Variants in IL1RAP observed in about 807,000 individuals in gnomAD.
IL1RAP encodes the protein interleukin 1 receptor accessory protein, also known as interleukin-1 receptor accessory protein.
In IL1RAP, 35 loss-of-function variants were observed where a neutral mutation model predicts 60.7. The observed-to-expected ratio is 0.58, with a 90% CI of 0.44 to 0.76. The LOEUF is 0.76. IL1RAP is among the 30% of genes least tolerant of loss of function. IL1RAP has a pLI of 0.00. For synonymous variants in IL1RAP, 268 were observed against 250.9 expected (o/e 1.07, Z -0.64); for missense variants, 572 against 693.9 (o/e 0.82, Z 1.97).
chr3:190,583,429 A>G (rs981516320), intron 3 of IL1RAP, among the ~76,000 whole-genome samples: 1 of 152,240 alleles, frequency 6.6e-6, no homozygotes, highest in Non-Finnish European at 1.5e-5. Flanking sequence ...GTTTCTTTCT[A>G]TGTAGTTACT....
At chr3:190,604,545 C>T in intron 4 of IL1RAP, 132 bp downstream of exon 4, 1 of 954,458 alleles carries the variant, frequency 1.0e-6, no homozygotes, top group Non-Finnish European at 1.5e-6. Flanking sequence ...TAATTGTCTG[C>T]AGCTTAGCTG....
At chr3:190,569,914 C>T (rs901124254) in intron 3 of IL1RAP, among the ~76,000 whole-genome samples, 7 of 152,034 alleles carry the variant, frequency 4.6e-5, no homozygotes, top group African/African-American at 1.7e-4. Flanking sequence ...TTTTGCTATC[C>T]TTTCCCTCAC....
chr3:190,570,551 A>ATATTTATTTATT (rs142993218), intron 3 of IL1RAP, among the ~76,000 whole-genome samples: 95 of 150,348 alleles, frequency 6.3e-4, no homozygotes, highest in African/African-American at 2.1e-3. Flanking sequence ...AGATACTTTC[A>ATATTTATTTATT]TATTTATTTA....
rs74437103 is a variant in IL1RAP at position 190,612,081 on chromosome 3, A to G, written c.537+2900A>G. Among the ~76,000 whole-genome samples, 375 of 152,292 alleles carry G rather than the reference A, an allele frequency of 2.5e-3. 1 individual carries two copies. Among genetic ancestry groups the G allele is most frequent in the South Asian group, 3.9e-3 (19 of 4,828 alleles). On this transcript the variant is annotated intron_variant, in intron 5 of 11. Coordinates refer to ENST00000447382, the MANE Select transcript of IL1RAP (RefSeq NM_002182.4). ...TTTTCTTTTTTGGAGATACTCAAAT[A>G]TTGTTTAAAATAAAATTATATGATG... is the stretch of plus-strand genomic sequence containing the variant.
At chr3:190,654,874 G>A (rs1560250665), downstream of IL1RAP, among the ~76,000 whole-genome samples, 1 of 152,210 alleles carries the variant, frequency 6.6e-6, no homozygotes, top group East Asian at 1.9e-4. Flanking sequence ...AGTGAGTTAA[G>A]CATTACATTT....
chr3:190,626,332 G>T lies in IL1RAP; in HGVS notation c.776-991G>T, dbSNP rs115921927. Reference sequence around the variant, plus strand: ...ATATAAATATTTAGCATAATAACTTGTACAAAGTTCTTAGTAAGTATGTTG... The same window carrying T: ...ATATAAATATTTAGCATAATAACTTTTACAAAGTTCTTAGTAAGTATGTTG... On this transcript the variant is annotated intron_variant, in intron 7 of 11. Coordinates refer to ENST00000447382, the MANE Select transcript of IL1RAP (RefSeq NM_002182.4). 9.9e-3 allele frequency among the ~76,000 whole-genome samples: 1,506 copies of T among 152,242 alleles called. 33 individuals are homozygous for T. The highest frequency in any genetic ancestry group is 0.034 in the African/African-American group (1,433 of 41,540).
At chr3:190,539,193 C>T (rs909671092) in intron 1 of IL1RAP, among the ~76,000 whole-genome samples, 2 of 152,038 alleles carry the variant, frequency 1.3e-5, no homozygotes, top group African/African-American at 4.8e-5. Context: ...TAGGGAAATA[C>T]TTTGTATTAA....
chr3:190,644,388 A>G lies in IL1RAP; in HGVS notation c.1192A>G (p.Thr398Ala). ...CCGGGCTCATTTTGGAACAGATGAA[A>G]CCATTTTAGGTAAGTAACAGAAATT... ...FYRAHFGTDETILDGKEYDIY... is the reference protein window; with the variant it reads ...FYRAHFGTDEAILDGKEYDIY... Residue 398 changes from threonine to alanine, a missense_variant, in exon 10 of 12, where the codon ACC (threonine) becomes GCC (alanine). Transcript: ENST00000447382. 1 of 1,613,242 alleles carries G rather than the reference A, an allele frequency of 6.2e-7. No homozygotes were observed. The highest frequency in any genetic ancestry group is 2.2e-5 in the East Asian group (1 of 44,874).
At chr3:190,641,941 T>C (rs1733690076) in intron 9 of IL1RAP, among the ~76,000 whole-genome samples, 1 of 152,202 alleles carries the variant, frequency 6.6e-6, no homozygotes, top group Non-Finnish European at 1.5e-5. Flanking sequence ...AGTTTTCTTG[T>C]TTTAAGGTGC....
intron 9 of IL1RAP, among the ~76,000 whole-genome samples, chr3:190,639,962 G>A (rs1252196552): frequency 2.0e-5 from 3 of 152,304 alleles, no homozygotes; most frequent in South Asian, 2.1e-4. Context: ...TGCTCCTAGA[G>A]TTGATCTGTT....
chr3:190,648,233 A>G, intron 11 of IL1RAP, 105 bp from the exon 12 acceptor site: 4 of 1,433,846 alleles, frequency 2.8e-6, no homozygotes, highest in Middle Eastern at 2.6e-4. Flanking sequence ...TTTCACCTCA[A>G]TTCTTAGGCT....
chr3:190,649,039 C>A lies in IL1RAP; in HGVS notation c.*334C>A. ...TTAAAATCTTAACATATGGAGCAGC[C>A]TTTCCTATGAATTTAAATATGCCTT... On this transcript the variant is annotated 3_prime_UTR_variant, in exon 12 of 12. Transcript: ENST00000447382. 2.0e-6 allele frequency: 2 copies of A among 1,012,890 alleles called. No individual in the cohort carries two copies. Among genetic ancestry groups the A allele is most frequent in the South Asian group, 4.5e-5 (1 of 22,152 alleles). 62.7% of individuals were successfully genotyped at this position (1,012,890 alleles called of 1,614,324 possible).
chr3:190,530,532 G>A, intron 1 of IL1RAP, among the ~76,000 whole-genome samples: 1 of 152,172 alleles, frequency 6.6e-6, no homozygotes, highest in East Asian at 1.9e-4. Flanking sequence ...AAGCCAAAGT[G>A]ATTTCACCTA....
chr3:190,610,167 G>T (rs1730697012), intron 5 of IL1RAP, among the ~76,000 whole-genome samples: 1 of 152,112 alleles, frequency 6.6e-6, no homozygotes, highest in Non-Finnish European at 1.5e-5. Flanking sequence ...AGAAGGACTG[G>T]TGAAAAATGG....
At chr3:190,516,120 C>G (rs1005536304) in intron 1 of IL1RAP, 1 of 152,248 alleles carries the variant, frequency 6.6e-6, no homozygotes, top group Admixed American at 6.5e-5. Flanking sequence ...TTGGCTGCCT[C>G]CTTCACAGGC....
chr3:190,595,937 A>G (rs1038157714), intron 3 of IL1RAP, among the ~76,000 whole-genome samples: 2 of 152,190 alleles, frequency 1.3e-5, no homozygotes, highest in African/African-American at 2.4e-5. Flanking sequence ...ATTTTCTGAT[A>G]CAGGTTCAGC....
downstream of IL1RAP, among the ~76,000 whole-genome samples, chr3:190,652,904 C>T (rs115596966): frequency 0.01 from 1,583 of 152,248 alleles, 29 homozygotes; most frequent in African/African-American, 0.037. Context: ...CTGTGATTAA[C>T]CTTCCTTAAA....
At chr3:190,644,215 A>G in intron 9 of IL1RAP, 33 bp from the exon 10 acceptor site, 1 of 1,598,728 alleles carries the variant, frequency 6.3e-7, no homozygotes, top group South Asian at 1.1e-5. Context: ...CACCACACAG[A>G]AATCAATTCT....
chr3:190,648,297 T>G, intron 11 of IL1RAP, 41 bp from the exon 12 acceptor site: 1 of 1,529,324 alleles, frequency 6.5e-7, no homozygotes, highest in East Asian at 2.3e-5. Context: ...TTTGGGGAGT[T>G]TTTGGCCAAC....
Sources: allele counts gnomAD v4.1 joint callset (sites outside exome capture counted in the v4.1 genomes callset), GRCh38; gene constraint gnomAD v4.1.1; transcripts MANE v1.5; gene names NCBI Gene and HGNC (gene_info 2026-07-23, HGNC 2026-07-21).